Variants in FAM161A observed in about 807,000 individuals in gnomAD.
FAM161A encodes FAM161 centrosomal protein A, also known as protein FAM161A.
FAM161A carries 57 observed loss-of-function variants against 70.9 expected under a neutral mutation model. That is an observed-to-expected ratio of 0.80 (90% CI 0.65 to 1.00). FAM161A has a LOEUF of 1.00. Ranked by LOEUF, FAM161A falls within the 50% of genes least tolerant of loss-of-function variation. The pLI is 0.00. For synonymous variants in FAM161A, 299 were observed against 295.7 expected, an observed-to-expected ratio of 1.01 and a Z score of -0.12; for missense variants, 880 against 836.0, an observed-to-expected ratio of 1.05 and a Z score of -0.65.
chr2:61,830,502 G>A (rs978572537), intron 5 of FAM161A, among the ~76,000 whole-genome samples: 5 of 151,752 alleles, frequency 3.3e-5, no homozygotes, highest in African/African-American at 4.8e-5. Context: ...CCAACATGGT[G>A]AAATCCCGTC....
the FAM161A span, among the ~76,000 whole-genome samples, chr2:61,817,163 G>A: frequency 5.3e-5 from 8 of 152,182 alleles, no homozygotes; most frequent in Admixed American, 3.9e-4. Flanking sequence ...AGGGCCCTTC[G>A]CTTTCTTCGC....
chr2:61,819,617 A>T, the FAM161A span, among the ~76,000 whole-genome samples: 3 of 152,144 alleles, frequency 2.0e-5, no homozygotes, highest in African/African-American at 4.8e-5. Flanking sequence ...ATTAGTGAAC[A>T]TTTTTTTTAA....
chr2:61,853,823 T>C (rs1673581173), intron 1 of FAM161A, 36 bp downstream of exon 1: 1 of 1,612,616 alleles, frequency 6.2e-7, no homozygotes, highest in Non-Finnish European at 8.5e-7. Flanking sequence ...ACCCAGCCCA[T>C]GCGAGGTCCC....
At chr2:61,844,372 A>G (rs1287721009) in intron 1 of FAM161A, among the ~76,000 whole-genome samples, 3 of 152,074 alleles carry the variant, frequency 2.0e-5, no homozygotes, top group South Asian at 2.1e-4. Flanking sequence ...GCAATCAGCT[A>G]GCTGCTAAAA....
At chr2:61,853,713 G>T (rs1481779319) in intron 1 of FAM161A, 146 bp downstream of exon 1, 4 of 784,672 alleles carry the variant, frequency 5.1e-6, no homozygotes, top group Non-Finnish European at 8.1e-6. Context: ...CGTAGAGAAG[G>T]GGCTGGGCCA....
At chr2:61,851,749 G>A (rs1673504952) in intron 1 of FAM161A, among the ~76,000 whole-genome samples, 1 of 151,630 alleles carries the variant, frequency 6.6e-6, no homozygotes, top group Non-Finnish European at 1.5e-5. Context: ...GCACTGCAAG[G>A]GGGGTGCGTG....
chr2:61,807,272 T>A, the FAM161A span, among the ~76,000 whole-genome samples: 1 of 147,144 alleles, frequency 6.8e-6, no homozygotes, highest in Non-Finnish European at 1.5e-5. Flanking sequence ...ACTCTGGAAA[T>A]CCCAACTTGA....
At chr2:61,814,597 C>T in the FAM161A span, among the ~76,000 whole-genome samples, 1 of 152,154 alleles carries the variant, frequency 6.6e-6, no homozygotes, top group Non-Finnish European at 1.5e-5. Flanking sequence ...CAGCTGTAAT[C>T]CCAGCTACTT....
At position 61,848,935 on chromosome 2, in the gene FAM161A, TA is replaced by T; in HGVS notation, c.183+4923del. Among the ~76,000 whole-genome samples the T allele has an allele frequency of 8.0e-4, 2 of 2,508 alleles. 1 individual carries two copies. The highest frequency in any genetic ancestry group is 6.3e-3 in the African/African-American group (2 of 318). 1.6% of individuals were successfully genotyped at this position (2,508 alleles called of 152,430 possible). On this transcript the variant is annotated intron_variant, in intron 1 of 6. Transcript: ENST00000404929. ...ATATATTTATATATATTTATATATA[TA>T]TATTTATATATATTTATATATATAT... is the stretch of plus-strand genomic sequence containing the variant.
the FAM161A span, among the ~76,000 whole-genome samples, chr2:61,803,549 C>T: frequency 6.6e-6 from 1 of 152,240 alleles, no homozygotes; most frequent in Non-Finnish European, 1.5e-5. Flanking sequence ...GGCGCAGTGG[C>T]TTACGCCTGT....
chr2:61,820,672 G>C (rs1672184364), downstream of FAM161A: 8 of 437,812 alleles, frequency 1.8e-5, no homozygotes, highest in South Asian at 2.2e-4. Context: ...TGTGTAACAA[G>C]GGAAAGTTTT....
intron 5 of FAM161A, among the ~76,000 whole-genome samples, chr2:61,833,065 G>C (rs1672641582): frequency 6.6e-6 from 1 of 152,068 alleles, no homozygotes. Context: ...GGTGGGGAAT[G>C]AGGGAAGGTG....
At chr2:61,823,926 T>A (rs1000164882), downstream of FAM161A, among the ~76,000 whole-genome samples, 1 of 152,186 alleles carries the variant, frequency 6.6e-6, no homozygotes, top group Non-Finnish European at 1.5e-5. Context: ...TTCAGTTACC[T>A]AACACCTGAA....
At chr2:61,804,706 GAGAGAA>G in the FAM161A span, among the ~76,000 whole-genome samples, 2 of 147,604 alleles carry the variant, frequency 1.4e-5, no homozygotes, top group East Asian at 2.0e-4. Context: ...AAGAGAGAGA[GAGAGAA>G]AGAGAAAGAA....
At chr2:61,815,882 C>T in the FAM161A span, among the ~76,000 whole-genome samples, 1 of 152,082 alleles carries the variant, frequency 6.6e-6, no homozygotes, top group Non-Finnish European at 1.5e-5. Context: ...TCCTTGTCCA[C>T]TGTCTACCTC....
At chr2:61,801,849 C>T in the FAM161A span, among the ~76,000 whole-genome samples, 1 of 152,086 alleles carries the variant, frequency 6.6e-6, no homozygotes, top group African/African-American at 2.4e-5. Context: ...ACGTGAGCCA[C>T]CGTGCCCGGC....
chr2:61,843,617 C>T (rs1031575658), intron 1 of FAM161A, among the ~76,000 whole-genome samples: 1 of 152,108 alleles, frequency 6.6e-6, no homozygotes, highest in Non-Finnish European at 1.5e-5. Flanking sequence ...AAATTTGCTA[C>T]AGAAAATTAT....
At chr2:61,849,487 TA>T (rs1673421364) in intron 1 of FAM161A, among the ~76,000 whole-genome samples, 1 of 151,396 alleles carries the variant, frequency 6.6e-6, no homozygotes, top group African/African-American at 2.4e-5. Flanking sequence ...AAAATAAAAA[TA>T]AAAATAAAAA....
Position 61,843,679 on chromosome 2 carries a change from A to C in FAM161A, c.184-1319T>G, listed in dbSNP as rs150787981. 1.8e-3 allele frequency among the ~76,000 whole-genome samples: 267 copies of C among 152,338 alleles called. 2 individuals carry two copies. Among genetic ancestry groups the C allele is most frequent in the African/African-American group, 6.1e-3 (255 of 41,584 alleles). ...AATAATCTGTTTAGCTTCTCTCAAAATAAAAATTCAGAAGAGTCAATTATA... is the reference window on the plus strand; with the variant it reads ...AATAATCTGTTTAGCTTCTCTCAAACTAAAAATTCAGAAGAGTCAATTATA... On this transcript the variant is annotated intron_variant, in intron 1 of 6. Transcript: ENST00000404929.
Sources: gnomAD v4.1 joint callset for allele counts (sites outside exome capture counted in the v4.1 genomes callset) on GRCh38, gnomAD v4.1.1 for gene constraint, MANE v1.5 for transcripts, NCBI Gene and HGNC (gene_info 2026-07-23, HGNC 2026-07-21) for gene names.